The following SNTB1 variants were observed in gnomAD, a reference collection of about 807,000 sequenced individuals.
SNTB1 encodes beta-1-syntrophin.
A neutral mutation model predicts 48.9 loss-of-function variants in SNTB1; 36 were observed. The observed-to-expected ratio is 0.74, with a 90% CI of 0.56 to 0.97. The LOEUF is 0.97. Ranked by LOEUF, SNTB1 falls within the 50% of genes least tolerant of loss-of-function variation. The pLI is 0.00. For synonymous variants in SNTB1, 299 were observed against 294.6 expected (o/e 1.01, Z -0.15); for missense variants, 786 against 703.4 (o/e 1.12, Z -1.33).
chr8:120,793,162 GCAATACCT>G (rs1820065056), intron 1 of SNTB1, among the ~76,000 whole-genome samples: 1 of 151,932 alleles, frequency 6.6e-6, no homozygotes, highest in South Asian at 2.1e-4. Context: ...GATTTCTGAA[GCAATACCT>G]TGCTGGGTGT....
chr8:120,589,900 A>C (rs11774895), intron 3 of SNTB1, among the ~76,000 whole-genome samples: 69,214 of 151,984 alleles, frequency 0.46, 18,711 homozygotes, highest in Non-Finnish European at 0.63. Context: ...CCCAGAATTT[A>C]CTCTTTCCTT....
intron 3 of SNTB1, among the ~76,000 whole-genome samples, chr8:120,606,565 C>T (rs551005256): frequency 1.3e-4 from 20 of 152,162 alleles, no homozygotes; most frequent in African/African-American, 4.8e-4. Context: ...GGTATTATCA[C>T]TACATTTGGT....
At chr8:120,616,544 T>C (rs1219669052) in intron 3 of SNTB1, among the ~76,000 whole-genome samples, 1 of 151,102 alleles carries the variant, frequency 6.6e-6, no homozygotes, top group Non-Finnish European at 1.5e-5. Flanking sequence ...CTCAAACTCC[T>C]GGCCTCAAGT....
At chr8:120,592,876 C>T (rs1326470736) in intron 3 of SNTB1, among the ~76,000 whole-genome samples, 1 of 152,170 alleles carries the variant, frequency 6.6e-6, no homozygotes, top group African/African-American at 2.4e-5. Flanking sequence ...GCCGGTGAAT[C>T]TGCTGTATAC....
chr8:120,660,533 GT>G (rs1407018231), intron 2 of SNTB1, among the ~76,000 whole-genome samples: 1 of 152,202 alleles, frequency 6.6e-6, no homozygotes, highest in Admixed American at 6.5e-5. Context: ...AGGAAATGTG[GT>G]GGTTGGTTTG....
intron 2 of SNTB1, among the ~76,000 whole-genome samples, chr8:120,636,508 T>C (rs1220348213): frequency 1.2e-4 from 16 of 133,744 alleles, no homozygotes; most frequent in South Asian, 5.2e-4. Flanking sequence ...TTTTTTGTTC[T>C]TGCGATAGTT....
At chr8:120,580,631 T>C (rs1816033057) in intron 3 of SNTB1, among the ~76,000 whole-genome samples, 2 of 152,232 alleles carry the variant, frequency 1.3e-5, no homozygotes, top group African/African-American at 4.8e-5. Context: ...AGATCGTGTT[T>C]ATCTCGACAA....
intron 1 of SNTB1, among the ~76,000 whole-genome samples, chr8:120,730,030 C>A (rs1172491205): frequency 1.3e-5 from 2 of 152,246 alleles, no homozygotes; most frequent in South Asian, 2.1e-4. Flanking sequence ...ATTCTGCCAA[C>A]AACCCGTTAG....
Position 120,541,827 on chromosome 8 carries a change from C to T in SNTB1, c.1507G>A (p.Gly503Ser), listed in dbSNP as rs148416297. ...ACACTTACAATCTCTCCATCTTTGC[C>T]TCCAAAATCTAAATACAGCATCCTG... ...GIRMLYLDFGGKDGEIQLDLH... is the reference protein window; with the variant it reads ...GIRMLYLDFGSKDGEIQLDLH... The change falls in exon 6 of 7, where the codon GGC becomes AGC. Residue 503 changes from glycine (G) to serine (S), a missense_variant. Transcript: ENST00000517992. 6.1e-5 allele frequency: 99 copies of T among 1,611,880 alleles called. No individual in the cohort carries two copies. Among genetic ancestry groups the T allele is most frequent in the Non-Finnish European group, 7.9e-5 (93 of 1,179,264 alleles).
chr8:120,810,449 G>C (rs1820405579), intron 1 of SNTB1, among the ~76,000 whole-genome samples: 1 of 152,178 alleles, frequency 6.6e-6, no homozygotes, highest in African/African-American at 2.4e-5. Flanking sequence ...AAGAGAGAGA[G>C]TAGTTTCTAG....
chr8:120,600,912 G>C (rs1279134374), intron 3 of SNTB1, among the ~76,000 whole-genome samples: 1 of 151,992 alleles, frequency 6.6e-6, no homozygotes, highest in South Asian at 2.1e-4. Flanking sequence ...GCCCAGCCTT[G>C]CTCATCTTGA....
intron 2 of SNTB1, among the ~76,000 whole-genome samples, chr8:120,685,867 G>T (rs565861078): frequency 1.3e-5 from 2 of 152,070 alleles, no homozygotes; most frequent in Non-Finnish European, 2.9e-5. Flanking sequence ...TATTTCTTCC[G>T]TCAAATATTC....
intron 2 of SNTB1, among the ~76,000 whole-genome samples, chr8:120,682,879 AG>A (rs1817956643): frequency 7.5e-6 from 1 of 133,666 alleles, no homozygotes; most frequent in Non-Finnish European, 1.5e-5. Context: ...GTTTGTTTTT[AG>A]TTTTTTTTTT....
chr8:120,647,500 T>A (rs1360281989), intron 2 of SNTB1, among the ~76,000 whole-genome samples: 1 of 149,302 alleles, frequency 6.7e-6, no homozygotes, highest in Non-Finnish European at 1.5e-5. Context: ...TAATCCTGAG[T>A]TCTAGTTTGA....
intron 3 of SNTB1, among the ~76,000 whole-genome samples, chr8:120,625,776 C>T (rs1563834780): frequency 6.6e-6 from 1 of 152,134 alleles, no homozygotes; most frequent in Non-Finnish European, 1.5e-5. Context: ...TGTTTTCTAC[C>T]ATAACCAATA....
At chr8:120,604,640 G>T (rs576857866) in intron 3 of SNTB1, among the ~76,000 whole-genome samples, 2 of 151,914 alleles carry the variant, frequency 1.3e-5, no homozygotes, top group African/African-American at 2.4e-5. Flanking sequence ...TAGTAGAGAC[G>T]GGGTTTCACC....
intron 2 of SNTB1, among the ~76,000 whole-genome samples, chr8:120,646,680 A>C (rs1817302961): frequency 6.6e-6 from 1 of 151,836 alleles, no homozygotes; most frequent in East Asian, 1.9e-4. Context: ...CTGGCCTCAT[A>C]AAATGAGTTA....
In SNTB1 at chr8:120,575,232, A is replaced by C. The variant is rs1336427306; in HGVS notation, c.997-7T>G. ...TCTTGCTCTCCCCTGGCACCTGAAAAAGAAAGCAGAGAACTGTCAAATGAC... is the reference window on the plus strand; with the variant it reads ...TCTTGCTCTCCCCTGGCACCTGAAACAGAAAGCAGAGAACTGTCAAATGAC... On this transcript the variant is annotated splice_region_variant and splice_polypyrimidine_tract_variant and intron_variant, in intron 3 of 6. Transcript: ENST00000517992. 1 of 1,614,044 alleles carries C rather than the reference A, an allele frequency of 6.2e-7. No individual in the cohort carries two copies. Among genetic ancestry groups the C allele is most frequent in the African/African-American group, 1.3e-5 (1 of 74,934 alleles).
chr8:120,609,540 G>A (rs1422927493), intron 3 of SNTB1, among the ~76,000 whole-genome samples: 2 of 152,196 alleles, frequency 1.3e-5, no homozygotes, highest in Non-Finnish European at 1.5e-5. Flanking sequence ...GTGTTGGAGA[G>A]CCCTGTCAAT....
Sources: allele counts gnomAD v4.1 joint callset (sites outside exome capture counted in the v4.1 genomes callset), GRCh38; gene constraint gnomAD v4.1.1; transcripts MANE v1.5; gene names NCBI Gene and HGNC (gene_info 2026-07-23, HGNC 2026-07-21).